The following ATAD2B variants were observed in gnomAD, a reference collection of about 807,000 sequenced individuals.
ATAD2B encodes the protein ATPase family AAA domain containing 2B, also known as ATPase family AAA domain-containing protein 2B.
Under a neutral mutation model 167.6 loss-of-function variants are expected in ATAD2B, and 40 were observed. That is an observed-to-expected ratio of 0.24 (90% CI 0.19 to 0.31). ATAD2B has a LOEUF of 0.31. Ranked by LOEUF, ATAD2B falls within the 10% of genes least tolerant of loss-of-function variation. The probability of loss-of-function intolerance (pLI) is 1.00; values close to 1 mark genes in which losing one functional copy is unlikely to be tolerated. For synonymous variants in ATAD2B, 579 were observed against 596.5 expected, an observed-to-expected ratio of 0.97 and a Z score of 0.43; for missense variants, 1,242 against 1,757.2, an observed-to-expected ratio of 0.71 and a Z score of 5.24.
chr2:23,873,149 G>C, intron 8 of ATAD2B: 1 of 351,730 alleles, frequency 2.8e-6, no homozygotes, highest in Non-Finnish European at 5.5e-6. Context: ...TCCCCATCAG[G>C]AAAGTTCCCA....
Position 23,819,836 on chromosome 2 carries a change from T to C in ATAD2B, c.2178A>G (p.Leu726=). The change falls in exon 17 of 28, where the codon TTA becomes TTG. Residue 726 remains leucine, a synonymous_variant. Transcript: ENST00000238789. ...AGTGACAATTGGTCTCAAAAATTGATAAAGCATTTTCATCTTCACTATCCT... is the reference window on the plus strand; with the variant it reads ...AGTGACAATTGGTCTCAAAAATTGACAAAGCATTTTCATCTTCACTATCCT... ...ILEDSEDENA[L]SIFETNCHSG... 6 of 1,595,030 alleles carry C rather than the reference T, an allele frequency of 3.8e-6. No homozygotes were observed. Among genetic ancestry groups the C allele is most frequent in the Non-Finnish European group, 5.2e-6 (6 of 1,163,642 alleles).
At chr2:23,828,727 G>A in intron 15 of ATAD2B, 122 bp downstream of exon 15, 1 of 608,374 alleles carries the variant, frequency 1.6e-6, no homozygotes, top group East Asian at 2.9e-5. Context: ...AAACATAAAG[G>A]TAGAGACAAT....
intron 13 of ATAD2B, 67 bp downstream of exon 13, chr2:23,857,348 G>A: frequency 1.2e-6 from 1 of 841,886 alleles, no homozygotes; most frequent in Non-Finnish European, 1.8e-6. Context: ...CTTAGCTAAG[G>A]GCTAAGGCTA....
chr2:23,803,121 A>G (rs1683758435), intron 18 of ATAD2B, among the ~76,000 whole-genome samples: 1 of 152,188 alleles, frequency 6.6e-6, no homozygotes, highest in Non-Finnish European at 1.5e-5. Flanking sequence ...AGAGAATCAT[A>G]GTTTTGTTTT....
chr2:23,872,480 C>G, intron 8 of ATAD2B: 1 of 753,600 alleles, frequency 1.3e-6, no homozygotes, highest in South Asian at 1.4e-5. Context: ...CATTTCCCCT[C>G]TTTTACCAGG....
At chr2:23,773,331 C>A (rs867962001) in intron 22 of ATAD2B, among the ~76,000 whole-genome samples, 33 of 152,170 alleles carry the variant, frequency 2.2e-4, no homozygotes, top group African/African-American at 7.7e-4. Flanking sequence ...CATAGGGAGA[C>A]CCCATCTCTG....
chr2:23,784,443 A>G (rs1374964987), intron 21 of ATAD2B, among the ~76,000 whole-genome samples: 3 of 152,154 alleles, frequency 2.0e-5, no homozygotes, highest in African/African-American at 7.2e-5. Context: ...GATAAAGGAG[A>G]AAAGAAGAGA....
chr2:23,706,915 G>T, the ATAD2B span: 2 of 410,762 alleles, frequency 4.9e-6, no homozygotes, highest in East Asian at 8.3e-5. Context: ...CCTGAACAGG[G>T]GCGCTCGCTC....
At chr2:23,881,827 G>A (rs943881765) in intron 6 of ATAD2B, among the ~76,000 whole-genome samples, 11 of 149,554 alleles carry the variant, frequency 7.4e-5, no homozygotes, top group Non-Finnish European at 1.3e-4. Context: ...AGGCTCAGGC[G>A]ATTCGCCTGC....
intron 18 of ATAD2B, among the ~76,000 whole-genome samples, chr2:23,802,040 C>G (rs568140673): frequency 1.9e-4 from 29 of 151,970 alleles, no homozygotes; most frequent in Admixed American, 1.8e-3. Flanking sequence ...AAGCTCAAAG[C>G]CAGTATCACT....
the ATAD2B span, among the ~76,000 whole-genome samples, chr2:23,743,133 T>G: frequency 6.9e-6 from 1 of 145,460 alleles, no homozygotes; most frequent in African/African-American, 2.5e-5. Flanking sequence ...AGGTGAAGGA[T>G]GTTCGCCCAA....
intron 1 of ATAD2B, among the ~76,000 whole-genome samples, chr2:23,913,822 C>T (rs1558793386): frequency 6.6e-6 from 1 of 152,050 alleles, no homozygotes; most frequent in Non-Finnish European, 1.5e-5. Context: ...ATAGTATTGG[C>T]CTGGTAGAAC....
chr2:23,832,229 G>A (rs1348560620), intron 14 of ATAD2B: 2 of 469,928 alleles, frequency 4.3e-6, no homozygotes, highest in Non-Finnish European at 8.8e-6. Context: ...CTCTGTAAGA[G>A]AGAAGACTTG....
intron 18 of ATAD2B, among the ~76,000 whole-genome samples, chr2:23,802,882 C>T (rs1371694463): frequency 6.6e-6 from 1 of 152,000 alleles, no homozygotes; most frequent in Non-Finnish European, 1.5e-5. Context: ...GAAAGAAATG[C>T]ATTTAAATTT....
chr2:23,769,651 T>A (rs984704012), intron 22 of ATAD2B, among the ~76,000 whole-genome samples: 2 of 152,086 alleles, frequency 1.3e-5, no homozygotes, highest in Admixed American at 1.3e-4. Flanking sequence ...TTGATTACAT[T>A]TGATATGGTC....
At chr2:23,771,930 T>C (rs917223814) in intron 22 of ATAD2B, among the ~76,000 whole-genome samples, 1 of 152,172 alleles carries the variant, frequency 6.6e-6, no homozygotes, top group Non-Finnish European at 1.5e-5. Flanking sequence ...CTGTGGCCTC[T>C]TCAGATTCCA....
chr2:23,791,827 T>C (rs1681778824), intron 19 of ATAD2B, among the ~76,000 whole-genome samples: 1 of 152,246 alleles, frequency 6.6e-6, no homozygotes, highest in Non-Finnish European at 1.5e-5. Flanking sequence ...CTATGAATGA[T>C]GCTGTTGTGA....
the ATAD2B span, among the ~76,000 whole-genome samples, chr2:23,731,612 T>C: frequency 6.6e-6 from 1 of 152,224 alleles, no homozygotes; most frequent in Non-Finnish European, 1.5e-5. Context: ...AGCTGCATTA[T>C]CAATAGTAAA....
At chr2:23,748,127 A>G (rs973954391), downstream of ATAD2B, among the ~76,000 whole-genome samples, 45 of 152,274 alleles carry the variant, frequency 3.0e-4, no homozygotes, top group African/African-American at 1.1e-3. Flanking sequence ...TTCAAAAAAC[A>G]AAAGTAAGAA....
Sources: allele counts gnomAD v4.1 joint callset (sites outside exome capture counted in the v4.1 genomes callset), GRCh38; gene constraint gnomAD v4.1.1; transcripts MANE v1.5; gene names NCBI Gene and HGNC (gene_info 2026-07-23, HGNC 2026-07-21).